The following USP26 variants were observed in gnomAD, a reference collection of about 807,000 sequenced individuals.
The protein encoded by USP26 is ubiquitin carboxyl-terminal hydrolase 26.
For synonymous variants in USP26, 236 were observed against 240.6 expected (o/e 0.98, Z 0.18); for missense variants, 649 against 642.3 (o/e 1.01, Z -0.11).
chrX:133,077,891 G>A (rs1459244938), intron 5 of USP26, among the ~76,000 whole-genome samples: 18 of 111,276 alleles, frequency 1.6e-4, no homozygotes, highest in Non-Finnish European at 3.8e-5. Context: ...AGACCAGGCT[G>A]GACAACATGA....
chrX:133,085,756 C>A (rs2067586292), intron 4 of USP26, among the ~76,000 whole-genome samples: 1 of 111,541 alleles, frequency 9.0e-6, no homozygotes, highest in Non-Finnish European at 1.9e-5. Flanking sequence ...AGTCAGATAT[C>A]TGAATGAGAA....
At chrX:133,088,948 T>G (rs2067598621) in intron 4 of USP26, among the ~76,000 whole-genome samples, 2 of 110,429 alleles carry the variant, frequency 1.8e-5, no homozygotes, top group South Asian at 3.9e-4. Flanking sequence ...GTAGAGTTTT[T>G]TTTTTTTTTT....
In USP26 at chrX:133,025,415, C is replaced by T. The variant is rs1272829748; in HGVS notation, c.*64G>A. 1.7e-6 allele frequency: 2 copies of T among 1,202,650 alleles called. No homozygotes were observed. Among genetic ancestry groups the T allele is most frequent in the Non-Finnish European group, 2.2e-6 (2 of 892,321 alleles). The stretch of plus-strand genomic sequence containing the variant: ...TGGATAAAGTTCACAGTTTTCCTTC[C>T]ATGGAGGAAGTGGTATCGAGTGAGA... On this transcript the variant is annotated 3_prime_UTR_variant, in exon 6 of 6. Coordinates refer to ENST00000511190, the MANE Select transcript of USP26 (RefSeq NM_031907.3).
intron 5 of USP26, among the ~76,000 whole-genome samples, chrX:133,050,047 C>T (rs2067453632): frequency 8.9e-6 from 1 of 112,312 alleles, no homozygotes; most frequent in African/African-American, 3.2e-5. Flanking sequence ...ATACATAGAG[C>T]ACTCTTATCT....
rs775132095 is a variant in USP26 at position 133,026,161 on chromosome X, A to G, written c.2060T>C (p.Val687Ala). The G allele has an allele frequency of 1.7e-6, 2 of 1,211,081 alleles. No individual in the cohort carries two copies. Among genetic ancestry groups the G allele is most frequent in the East Asian group, 3.0e-5 (1 of 33,779 alleles). The part of the protein sequence containing the change: ...ASSPGTPLSK[V>A]DFQTVPENPK... The stretch of plus-strand genomic sequence containing the variant: ...ATTTTCGGGCACTGTTTGAAAGTCA[A>G]CTTTTGAGAGAGGTGTGCCTGGGCT... Residue 687 changes from valine (V) to alanine (A), a missense_variant, in exon 6 of 6, where the codon GTT becomes GCT. By Grantham distance (64) the Val-to-Ala change is moderately conservative. Coordinates refer to ENST00000511190, the MANE Select transcript of USP26 (RefSeq NM_031907.3).
At chrX:133,066,782 C>A (rs1447767963) in intron 5 of USP26, among the ~76,000 whole-genome samples, 6 of 111,661 alleles carry the variant, frequency 5.4e-5, no homozygotes, top group Non-Finnish European at 9.4e-5. Context: ...TAGAAGAAAA[C>A]CTAGGCAATA....
In USP26 at chrX:133,025,639, C is replaced by T. The variant is rs751525015; in HGVS notation, c.2582G>A (p.Arg861Gln). ...CTGGGCCTCCTGGATACCTAACACC[C>T]GCATATCATCGTAAGTGAACCAGAT... ...KQIWFTYDDM[R>Q]VLGIQEAQMQ... The change falls in exon 6 of 6, where the codon CGG becomes CAG. Residue 861 changes from arginine to glutamine, a missense_variant. By Grantham distance (43) the Arg-to-Gln change is conservative. Coordinates refer to ENST00000511190, the MANE Select transcript of USP26 (RefSeq NM_031907.3). 6.6e-6 allele frequency: 8 copies of T among 1,209,259 alleles called. No homozygotes were observed. Among genetic ancestry groups the T allele is most frequent in the Admixed American group, 2.2e-5 (1 of 45,631 alleles).
rs1370124010 is a variant in USP26 at position 133,036,965 on chromosome X, A to C, written c.-76-8669T>G. On this transcript the variant is annotated intron_variant, in intron 5 of 5. Coordinates refer to ENST00000511190, the MANE Select transcript of USP26 (RefSeq NM_031907.3). The stretch of plus-strand genomic sequence containing the variant: ...TTTTATTCATACGTTTGTTGGCCAC[A>C]TAAATGTCTTCTTTTGAGGAGTATC... 2.7e-5 allele frequency among the ~76,000 whole-genome samples: 3 copies of C among 112,738 alleles called. No individual in the cohort carries two copies. The East Asian group carries it at 8.3e-4, about 31-fold the overall frequency.
Position 133,028,313 on chromosome X carries a change from A to G in USP26, c.-76-17T>C. On this transcript the variant is annotated splice_polypyrimidine_tract_variant and intron_variant, in intron 5 of 5. Coordinates refer to ENST00000511190, the MANE Select transcript of USP26 (RefSeq NM_031907.3). ...CAAGTTCAGCTGTGAAGACAACACC[A>G]AAGAAATAGTTCATTAGTTCTCTAC... 1.0e-6 allele frequency: 1 copy of G among 981,397 alleles called. No individual in the cohort carries two copies. Among genetic ancestry groups the G allele is most frequent in the Admixed American group, 2.4e-5 (1 of 41,926 alleles). The allele number at this position is 981,397 out of a possible 1,213,427, so 80.9% of individuals were successfully genotyped here.
intron 5 of USP26, among the ~76,000 whole-genome samples, chrX:133,054,850 G>T (rs2067470367): frequency 8.9e-6 from 1 of 112,247 alleles, no homozygotes; most frequent in African/African-American, 3.2e-5. Flanking sequence ...AGAATAACTG[G>T]TTCTTAGGTA....
intron 5 of USP26, among the ~76,000 whole-genome samples, chrX:133,029,270 AC>A (rs2067367420): frequency 8.9e-6 from 1 of 112,524 alleles, no homozygotes; most frequent in African/African-American, 3.2e-5. Flanking sequence ...GCTTAAGCAA[AC>A]CCCATCTTTA....
chrX:133,038,759 C>T (rs779239624), intron 5 of USP26, among the ~76,000 whole-genome samples: 1 of 112,159 alleles, frequency 8.9e-6, no homozygotes, highest in African/African-American at 3.2e-5. Context: ...CTTTGTACCT[C>T]TGGTAGAATT....
In USP26 at chrX:133,025,432, C is replaced by T. The variant is rs767829343; in HGVS notation, c.*47G>A. 4.1e-6 allele frequency: 5 copies of T among 1,205,929 alleles called. No homozygotes were observed. The highest frequency in any genetic ancestry group is 1.8e-5 in the South Asian group (1 of 56,202). On this transcript the variant is annotated 3_prime_UTR_variant, in exon 6 of 6. Coordinates refer to ENST00000511190, the MANE Select transcript of USP26 (RefSeq NM_031907.3). ...TTTCCTTCCATGGAGGAAGTGGTAT[C>T]GAGTGAGACAGTCAGGCAGATCTGT... is the stretch of plus-strand genomic sequence containing the variant.
rs2067355874 is a variant in USP26 at position 133,027,305 on chromosome X, T to C, written c.916A>G (p.Met306Val). The part of the protein sequence containing the change: ...GLPNLGNTCY[M>V]NAVLQSLLSI... ...AGTAGAGACTGTAACACTGCATTCA[T>C]ATAACAGGTGTTTCCCAAATTGGGG... The change falls in exon 6 of 6, where the codon ATG (methionine) becomes GTG (valine). Residue 306 changes from methionine (M) to valine (V), a missense_variant. Physicochemically the swap from Met to Val is conservative, Grantham distance 21. Coordinates refer to ENST00000511190, the MANE Select transcript of USP26 (RefSeq NM_031907.3). 2 of 1,211,150 alleles carry C rather than the reference T, an allele frequency of 1.7e-6. No homozygotes were observed. Among genetic ancestry groups the C allele is most frequent in the Non-Finnish European group, 2.2e-6 (2 of 894,830 alleles).
At chrX:133,037,749 A>T (rs901384110) in intron 5 of USP26, among the ~76,000 whole-genome samples, 1 of 112,083 alleles carries the variant, frequency 8.9e-6, no homozygotes, top group Non-Finnish European at 1.9e-5. Context: ...CATTGAATCT[A>T]TAAATTACTT....
chrX:133,039,780 C>T (rs909904136), intron 5 of USP26, among the ~76,000 whole-genome samples: 2 of 111,266 alleles, frequency 1.8e-5, no homozygotes, highest in South Asian at 3.8e-4. Context: ...CGTCTAATAT[C>T]GACAGTGGTG....
chrX:133,049,177 G>C (rs1210538036), intron 5 of USP26, among the ~76,000 whole-genome samples: 1 of 111,766 alleles, frequency 8.9e-6, no homozygotes. Flanking sequence ...TGTGTGTGGA[G>C]GGGTTACACA....
At chrX:133,039,947 G>T (rs1281245894) in intron 5 of USP26, among the ~76,000 whole-genome samples, 1 of 111,340 alleles carries the variant, frequency 9.0e-6, no homozygotes, top group Admixed American at 9.5e-5. Context: ...ATTATGTAAT[G>T]CCCTTCTTTG....
chrX:133,065,780 G>C (rs374082471), intron 5 of USP26, among the ~76,000 whole-genome samples: 2 of 112,041 alleles, frequency 1.8e-5, no homozygotes, highest in East Asian at 5.6e-4. Context: ...TACTGAATGA[G>C]CAAAAGCTGG....
Sources: gnomAD v4.1 joint callset for allele counts (sites outside exome capture counted in the v4.1 genomes callset) on GRCh38, gnomAD v4.1.1 for gene constraint, MANE v1.5 for transcripts, NCBI Gene and HGNC (gene_info 2026-07-23, HGNC 2026-07-21) for gene names.